The following HERC2 variants were observed in gnomAD, a reference collection of about 807,000 sequenced individuals.
HERC2 encodes the protein HECT and RLD domain containing E3 ubiquitin protein ligase 2.
A neutral mutation model predicts 537.7 loss-of-function variants in HERC2; 102 were observed. That is an observed-to-expected ratio of 0.19 (90% CI 0.16 to 0.22). HERC2 has a LOEUF of 0.22. Among genes scored for constraint, HERC2 ranks in the 10% least tolerant of loss-of-function variants. The pLI is 1.00. For missense variants in HERC2, 4,236 were observed against 6,198.2 expected (o/e 0.68, Z 10.63); for synonymous variants, 2,224 against 2,466.2 (o/e 0.90, Z 2.91).
chr15:28,175,425 G>T, intron 64 of HERC2, 87 bp downstream of exon 64: 1 of 1,277,776 alleles, frequency 7.8e-7, no homozygotes, highest in South Asian at 1.3e-5. Context: ...CAACAGCTGT[G>T]ATTTCAACAG....
chr15:28,257,761 A>G (rs1191503261), intron 16 of HERC2, among the ~76,000 whole-genome samples: 1 of 148,746 alleles, frequency 6.7e-6, no homozygotes, highest in South Asian at 2.2e-4. Context: ...TTTTTTTTTG[A>G]GACAGAGTCT....
intron 69 of HERC2, among the ~76,000 whole-genome samples, chr15:28,153,213 C>T (rs1010263392): frequency 3.3e-5 from 5 of 152,182 alleles, no homozygotes; most frequent in Admixed American, 6.5e-5. Flanking sequence ...CTTAGTTGGG[C>T]GTGGTGGTGC....
intron 2 of HERC2, among the ~76,000 whole-genome samples, chr15:28,318,552 CAGG>C (rs1226343046): frequency 6.6e-6 from 1 of 151,968 alleles, no homozygotes; most frequent in Non-Finnish European, 1.5e-5. Flanking sequence ...GGCATGAACC[CAGG>C]AGGCTTGCAG....
At position 28,196,940 on chromosome 15, in the gene HERC2, A is replaced by C. The variant is rs547145944; in HGVS notation, c.8012-371T>G. Among the ~76,000 whole-genome samples the C allele has an allele frequency of 5.3e-5, 8 of 152,352 alleles. No individual in the cohort carries two copies. In the East Asian group the frequency reaches 1.5e-3, roughly 29 times the overall value. On this transcript the variant is annotated intron_variant, in intron 50 of 92. Transcript: ENST00000261609. ...TTCCATACAATACCTTCGGTATCTCAGGGAATAAAAACCACATTAATAACA... is the reference window on the plus strand; with the variant it reads ...TTCCATACAATACCTTCGGTATCTCCGGGAATAAAAACCACATTAATAACA...
rs112371820 is a variant in HERC2 at position 28,299,561 on chromosome 15, C to T, written c.73-45G>A. ...TAAGCTTACAGAGTGCTCACACTCA[C>T]ATTGCAATTTTTAAAGAATGATATG... On this transcript the variant is annotated intron_variant, in intron 2 of 92. Transcript: ENST00000261609. The T allele has an allele frequency of 4.7e-3, 4,639 of 983,648 alleles. 126 individuals are homozygous for T. In the African/African-American group the frequency reaches 0.067, roughly 14 times the overall value. The allele number at this position is 983,648 out of a possible 1,614,324, so 60.9% of individuals were successfully genotyped here.
Position 28,275,013 on chromosome 15 carries a change from C to T in HERC2, c.543-8G>A, listed in dbSNP as rs749921140. On this transcript the variant is annotated splice_polypyrimidine_tract_variant and splice_region_variant and intron_variant, in intron 5 of 92. Transcript: ENST00000261609. ...TTGCCCGCAGGCCGGGAACTGCAGA[C>T]GACACACACGGAACATACAACCAGT... 5.0e-6 allele frequency: 8 copies of T among 1,584,296 alleles called. No homozygotes were observed. Among genetic ancestry groups the T allele is most frequent in the South Asian group, 3.3e-5 (3 of 90,676 alleles).
chr15:28,134,124 T>A (rs985181464), intron 79 of HERC2, among the ~76,000 whole-genome samples: 1 of 152,226 alleles, frequency 6.6e-6, no homozygotes, highest in Non-Finnish European at 1.5e-5. Flanking sequence ...TTCACGACTT[T>A]AGGTTTTTTA....
chr15:28,238,769 G>A lies in HERC2; in HGVS notation c.3581C>T (p.Ser1194Leu), dbSNP rs1190365959. ...EELAWPGIME[S>L]FFTGQNCRNN... ...TCTACAGTTCTGACCTGTAAAAAATGACTCTGTATATACAGAAACCAGAAT... is the reference window on the plus strand; with the variant it reads ...TCTACAGTTCTGACCTGTAAAAAATAACTCTGTATATACAGAAACCAGAAT... The change falls in exon 24 of 93, where the codon TCA (serine) becomes TTA (leucine). Residue 1194 changes from serine (S) to leucine (L), a missense_variant. Around this residue, in one of 27 missense-constraint regions of HERC2, gnomAD observed 754 missense variants for 1,085.0 expected, o/e 0.69. Coordinates refer to ENST00000261609, the MANE Select transcript of HERC2 (RefSeq NM_004667.6). 2 of 1,607,442 alleles carry A rather than the reference G, an allele frequency of 1.2e-6. No individual in the cohort carries two copies. Among genetic ancestry groups the A allele is most frequent in the African/African-American group, 2.7e-5 (2 of 74,722 alleles).
Position 28,116,762 on chromosome 15 carries a change from T to C in HERC2, c.13512A>G (p.Thr4504=), listed in dbSNP as rs1244861746. The C allele has an allele frequency of 2.5e-6, 4 of 1,613,678 alleles. No individual in the cohort carries two copies. The highest frequency in any genetic ancestry group is 3.4e-6 in the Non-Finnish European group (4 of 1,179,964). ...QNGLTPLLIV[T]PNGRDESGAN... Reference sequence around the variant, plus strand: ...CCCCAGACTCATCCCTCCCGTTGGGTGTCACGATCAGCAGGGGCGTGAGTC... The same window carrying C: ...CCCCAGACTCATCCCTCCCGTTGGGCGTCACGATCAGCAGGGGCGTGAGTC... Residue 4504 remains threonine (T), a synonymous_variant, in exon 88 of 93, where the codon ACA becomes ACG. Transcript: ENST00000261609.
In HERC2 at chr15:28,168,399, G is replaced by A. The variant is rs540733711; in HGVS notation, c.10413+8C>T. On this transcript the variant is annotated splice_region_variant and intron_variant, in intron 67 of 92. Transcript: ENST00000261609. ...TCTGATCTAACATTGCTTTAGATTC[G>A]CTTTTACCTCTCTCTTTTCTTGCCA... is the stretch of plus-strand genomic sequence containing the variant. 6.8e-6 allele frequency: 11 copies of A among 1,612,436 alleles called. No homozygotes were observed. The highest frequency in any genetic ancestry group is 3.3e-5 in the Admixed American group (2 of 59,840).
intron 23 of HERC2, among the ~76,000 whole-genome samples, chr15:28,242,407 T>C (rs1443112042): frequency 6.6e-6 from 1 of 152,204 alleles, no homozygotes. Flanking sequence ...TATTATGTTT[T>C]CCTACTACTG....
rs542076044 is a variant in HERC2 at position 28,295,007 on chromosome 15, A to T, written c.188-1985T>A. On this transcript the variant is annotated intron_variant, in intron 3 of 92. Transcript: ENST00000261609. ...CACAGAGGATACAAGAGTGGCAAAA[A>T]AGAACATGATATTCAGCATTGTTAG... 3.4e-4 allele frequency among the ~76,000 whole-genome samples: 51 copies of T among 152,090 alleles called. No individual in the cohort carries two copies. The South Asian group carries it at 0.01, about 30-fold the overall frequency.
chr15:28,129,295 G>A (rs1324059352), intron 83 of HERC2, among the ~76,000 whole-genome samples: 3 of 152,184 alleles, frequency 2.0e-5, no homozygotes, highest in Non-Finnish European at 2.9e-5. Context: ...CCAGGAGCAA[G>A]CTTCCAGAGT....
intron 20 of HERC2, among the ~76,000 whole-genome samples, chr15:28,250,257 G>A (rs1904176087): frequency 1.3e-5 from 2 of 152,090 alleles, no homozygotes; most frequent in Admixed American, 1.3e-4. Flanking sequence ...CCAGGGTTGG[G>A]GAATCCCATA....
chr15:28,145,004 C>T (rs1160147821), intron 71 of HERC2, among the ~76,000 whole-genome samples, 200 bp from the exon 72 acceptor site: 2 of 152,218 alleles, frequency 1.3e-5, no homozygotes, highest in African/African-American at 2.4e-5. Flanking sequence ...TCAGCAAACA[C>T]GCATTCAGCC....
rs540162408 is a variant in HERC2, at chr15:28,298,800, A to C, written c.187+602T>G. 2.3e-4 allele frequency among the ~76,000 whole-genome samples: 34 copies of C among 150,932 alleles called. No homozygotes were observed. The South Asian group carries it at 3.1e-3, about 14-fold the overall frequency. On this transcript the variant is annotated intron_variant, in intron 3 of 92. Transcript: ENST00000261609. ...AACAGAGCAAGACTCCTTCCCCCCC[A>C]AAAAAAAGAAGAAGAAGAAATACTT... is the stretch of plus-strand genomic sequence containing the variant.
chr15:28,296,660 T>C (rs1419348240), intron 3 of HERC2, among the ~76,000 whole-genome samples: 3 of 148,686 alleles, frequency 2.0e-5, no homozygotes, highest in Non-Finnish European at 4.4e-5. Context: ...TAAAACTTTT[T>C]AAAATATACA....
rs541041537 is a variant in HERC2, at chr15:28,244,332, C to T, written c.3577+1549G>A. ...GGTGAAGCTCAGAAACCAAAAGGTA[C>T]GTACCGTCTAGTTCCACTTATATGA... On this transcript the variant is annotated intron_variant, in intron 23 of 92. Coordinates refer to ENST00000261609, the MANE Select transcript of HERC2 (RefSeq NM_004667.6). Among the ~76,000 whole-genome samples the T allele has an allele frequency of 5.3e-5, 8 of 152,066 alleles. No individual in the cohort carries two copies. The South Asian group carries it at 8.3e-4, about 16-fold the overall frequency.
chr15:28,290,354 G>A (rs764380997), intron 4 of HERC2, among the ~76,000 whole-genome samples: 1 of 151,804 alleles, frequency 6.6e-6, no homozygotes, highest in Admixed American at 6.6e-5. Flanking sequence ...AAAGTGCAGG[G>A]GTGCAATCAA....
Sources: gnomAD v4.1 joint callset for allele counts (sites outside exome capture counted in the v4.1 genomes callset) on GRCh38, gnomAD v4.1.1 for gene constraint, gnomAD v4.1.1 regional missense constraint, MANE v1.5 for transcripts, NCBI Gene and HGNC (gene_info 2026-07-23, HGNC 2026-07-21) for gene names.